GRK5: variants seen among roughly 807,000 people sequenced by gnomAD.
GRK5 encodes g protein-coupled receptor kinase GRK5.
In GRK5, 40 loss-of-function variants were observed where a neutral mutation model predicts 78.4. The observed-to-expected ratio is 0.51, with a 90% confidence interval of 0.40 to 0.66. GRK5 has a LOEUF of 0.66. Among genes scored for constraint, GRK5 ranks in the 30% least tolerant of loss-of-function variants. The pLI is 0.00. For missense variants in GRK5, 598 were observed against 759.9 expected (o/e 0.79, Z 2.50); for synonymous variants, 289 against 296.8 (o/e 0.97, Z 0.27).
chr10:119,376,138 G>T (rs1851616958), intron 2 of GRK5, among the ~76,000 whole-genome samples: 1 of 152,166 alleles, frequency 6.6e-6, no homozygotes, highest in South Asian at 2.1e-4. Context: ...TGCATAAGTA[G>T]GCCTAGCCCC....
At chr10:119,328,138 G>A (rs1467625943) in intron 2 of GRK5, among the ~76,000 whole-genome samples, 1 of 152,240 alleles carries the variant, frequency 6.6e-6, no homozygotes, top group African/African-American at 2.4e-5. Context: ...ATGCCCCTCT[G>A]CACACTGGCG....
At position 119,430,974 on chromosome 10, in the gene GRK5, C is replaced by T; in HGVS notation, c.598-413C>T. On this transcript the variant is annotated intron_variant, in intron 7 of 15. Coordinates refer to ENST00000392870, the MANE Select transcript of GRK5 (RefSeq NM_005308.3). This position sits in a 1 kb window ranked among gnomAD's most constrained non-coding sequence, Gnocchi z 4.5. ...AGACTTAAGCCCAAATGCTTTGGTTCCCGCTTATCTGGATTATGAAGTCAG... is the reference window on the plus strand; with the variant it reads ...AGACTTAAGCCCAAATGCTTTGGTTTCCGCTTATCTGGATTATGAAGTCAG... 6.6e-6 allele frequency among the ~76,000 whole-genome samples: 1 copy of T among 152,180 alleles called. No homozygotes were observed. Among genetic ancestry groups the T allele is most frequent in the Non-Finnish European group, 1.5e-5 (1 of 68,034 alleles).
At chr10:119,354,047 A>G (rs958337134) in intron 2 of GRK5, among the ~76,000 whole-genome samples, 14 of 148,608 alleles carry the variant, frequency 9.4e-5, no homozygotes, top group African/African-American at 3.5e-4. Context: ...TATGACATAT[A>G]TAGATTATAT....
chr10:119,416,144 C>T (rs1262126555), intron 4 of GRK5, among the ~76,000 whole-genome samples: 1 of 152,202 alleles, frequency 6.6e-6, no homozygotes, highest in East Asian at 1.9e-4. Context: ...GATTCCATCT[C>T]CACCCTGACA....
intron 2 of GRK5, among the ~76,000 whole-genome samples, chr10:119,327,100 G>A (rs1850692373): frequency 6.8e-6 from 1 of 146,470 alleles, no homozygotes; most frequent in Non-Finnish European, 1.5e-5. Context: ...TGGGGTGGGG[G>A]ATGTGGGGTG....
chr10:119,306,237 T>C (rs1315128509), intron 1 of GRK5, among the ~76,000 whole-genome samples: 1 of 152,214 alleles, frequency 6.6e-6, no homozygotes, highest in Non-Finnish European at 1.5e-5. Flanking sequence ...TGGAGAAATT[T>C]GCCCGCTAAC....
intron 12 of GRK5, among the ~76,000 whole-genome samples, chr10:119,446,205 T>G (rs1265036593): frequency 2.0e-5 from 3 of 152,224 alleles, no homozygotes; most frequent in Admixed American, 2.0e-4. Context: ...ATAGCATGAT[T>G]GCAAACTCTT....
chr10:119,291,408 T>C (rs1849951793), intron 1 of GRK5, among the ~76,000 whole-genome samples: 1 of 152,132 alleles, frequency 6.6e-6, no homozygotes, highest in Admixed American at 6.5e-5. Context: ...CAGGATCCTT[T>C]GTTCAGTCTG....
chr10:119,394,649 G>A lies in GRK5; in HGVS notation c.262-2046G>A, dbSNP rs779336996. On this transcript the variant is annotated intron_variant, in intron 3 of 15. Transcript: ENST00000392870. The stretch of plus-strand genomic sequence containing the variant: ...TGTGGGTGTGTGTGTGGGTGTGTGT[G>A]TGGGTGTGTGTATCTGTGTCTGTGG... 4.1e-4 allele frequency among the ~76,000 whole-genome samples: 2 copies of A among 4,870 alleles called. 1 individual carries two copies. The allele number at this position is 4,870 out of a possible 152,430, so 3.2% of individuals were successfully genotyped here. A position where few individuals can be genotyped will look rare whatever the true frequency, so the allele number is the denominator to read the frequency against.
In GRK5 at chr10:119,262,329, GTTTTTTTTTT is replaced by G. The variant is rs149424799; in HGVS notation, c.52+54378_52+54387del. 8.9e-5 allele frequency among the ~76,000 whole-genome samples: 6 copies of G among 67,546 alleles called. No individual in the cohort carries two copies. In the South Asian group the frequency reaches 2.4e-3, roughly 27 times the overall value. The allele number at this position is 67,546 out of a possible 152,430, so 44.3% of individuals were successfully genotyped here. ...TATATATGAATGTTTTTAACTTTGG[GTTTTTTTTTT>G]TTTTTTTTTTTTTTTTTGAGATGGA... is the stretch of plus-strand genomic sequence containing the variant. On this transcript the variant is annotated intron_variant, in intron 1 of 15. Coordinates refer to ENST00000392870, the MANE Select transcript of GRK5 (RefSeq NM_005308.3).
chr10:119,309,252 C>T (rs1850322478), intron 1 of GRK5, among the ~76,000 whole-genome samples: 1 of 152,246 alleles, frequency 6.6e-6, no homozygotes, highest in Non-Finnish European at 1.5e-5. Flanking sequence ...TGTCACCTGG[C>T]ATGGGTCAGT....
chr10:119,287,424 G>A (rs904963382), intron 1 of GRK5, among the ~76,000 whole-genome samples: 1 of 149,168 alleles, frequency 6.7e-6, no homozygotes, highest in African/African-American at 2.5e-5. Context: ...AGAAGGTAAG[G>A]AGGGAGGGAA....
chr10:119,394,275 C>CCGTGTATCTATGTGTGTGTGTGTGTGT (rs1554916264), intron 3 of GRK5, among the ~76,000 whole-genome samples: 1 of 19,138 alleles, frequency 5.2e-5, no homozygotes, highest in African/African-American at 2.3e-4. Context: ...TGTGTGTGGG[C>CCGTGTATCTATGTGTGTGTGTGTGTGT]GTGTGTGTGG....
chr10:119,245,415 C>T (rs188023125), intron 1 of GRK5, among the ~76,000 whole-genome samples: 264 of 152,246 alleles, frequency 1.7e-3, no homozygotes, highest in African/African-American at 5.9e-3. Flanking sequence ...AAAACTGTGG[C>T]GTGTTCGTGC....
At chr10:119,313,274 G>A (rs1277644538) in intron 1 of GRK5, among the ~76,000 whole-genome samples, 2 of 150,712 alleles carry the variant, frequency 1.3e-5, no homozygotes, top group Non-Finnish European at 3.0e-5. Flanking sequence ...TGGTAATAGT[G>A]GTGATGGGGA....
At chr10:119,427,932 A>G (rs956583446) in intron 6 of GRK5, among the ~76,000 whole-genome samples, 1 of 36,772 alleles carries the variant, frequency 2.7e-5, no homozygotes, top group African/African-American at 1.1e-4. Flanking sequence ...CACTGCCATC[A>G]TCAGCCTCAC....
At chr10:119,210,583 T>G (rs1346773689) in intron 1 of GRK5, among the ~76,000 whole-genome samples, 1 of 152,212 alleles carries the variant, frequency 6.6e-6, no homozygotes, top group Non-Finnish European at 1.5e-5. Flanking sequence ...TAGTGAAATA[T>G]CTAATATAAA....
At chr10:119,376,561 CTTT>C (rs3064490) in intron 2 of GRK5, among the ~76,000 whole-genome samples, 92 of 104,280 alleles carry the variant, frequency 8.8e-4, no homozygotes, top group Non-Finnish European at 1.0e-3. Flanking sequence ...TCCCTAATGC[CTTT>C]TTTTTTTTTT....
rs1374626747 is a variant in GRK5, at chr10:119,452,620, A to C, written c.1405-51A>C. ...AAACCCCAAGGCCTGGCTCGGGGCC[A>C]CTGGAGCCGCAGGCGGGACATATGT... is the stretch of plus-strand genomic sequence containing the variant. On this transcript the variant is annotated intron_variant, in intron 13 of 15. Transcript: ENST00000392870. This position sits in a 1 kb window ranked among gnomAD's most constrained non-coding sequence, Gnocchi z 4.4. 3.1e-6 allele frequency: 5 copies of C among 1,609,634 alleles called. No individual in the cohort carries two copies. Among genetic ancestry groups the C allele is most frequent in the African/African-American group, 1.3e-5 (1 of 74,892 alleles).
Sources: allele counts gnomAD v4.1 joint callset (sites outside exome capture counted in the v4.1 genomes callset), GRCh38; gene constraint gnomAD v4.1.1; non-coding constraint Gnocchi (gnomAD v3.1); transcripts MANE v1.5; gene names NCBI Gene and HGNC (gene_info 2026-07-23, HGNC 2026-07-21).